KCNT1: variants seen among roughly 807,000 people sequenced by gnomAD.
The protein encoded by KCNT1 is potassium channel subfamily T member 1.
A neutral mutation model predicts 147.8 loss-of-function variants in KCNT1; 78 were observed. The observed-to-expected ratio is 0.53, with a 90% CI of 0.44 to 0.64. The LOEUF is 0.64. Ranked by LOEUF, KCNT1 falls within the 30% of genes least tolerant of loss-of-function variation. KCNT1 has a pLI of 0.00. For missense variants in KCNT1, 1,419 were observed against 1,750.3 expected, an observed-to-expected ratio of 0.81 and a Z score of 3.38; for synonymous variants, 867 against 748.8, an observed-to-expected ratio of 1.16 and a Z score of -2.58.
At chr9:135,781,600 C>T (rs1433849564) in intron 24 of KCNT1, among the ~76,000 whole-genome samples, 1 of 149,774 alleles carries the variant, frequency 6.7e-6, no homozygotes, top group Non-Finnish European at 1.5e-5. Flanking sequence ...TAAAAATGTA[C>T]ATGTTTAGTA....
chr9:135,744,960 G>T (rs1368868152), intron 2 of KCNT1, among the ~76,000 whole-genome samples: 1 of 152,218 alleles, frequency 6.6e-6, no homozygotes, highest in African/African-American at 2.4e-5. Flanking sequence ...ACTGGCAGAG[G>T]TGAGACGGGC....
chr9:135,716,625 G>A (rs1266790263), intron 2 of KCNT1, among the ~76,000 whole-genome samples: 1 of 152,192 alleles, frequency 6.6e-6, no homozygotes, highest in Non-Finnish European at 1.5e-5. Context: ...GCCCCTGGCA[G>A]CTACCGATTT....
chr9:135,707,235 T>C (rs1356502514), intron 1 of KCNT1, among the ~76,000 whole-genome samples: 1 of 151,988 alleles, frequency 6.6e-6, no homozygotes, highest in Non-Finnish European at 1.5e-5. Context: ...CACAGTTCTC[T>C]GGGGGAATGA....
chr9:135,785,271 G>A (rs776864063), intron 27 of KCNT1, 39 bp from the exon 28 acceptor site: 33 of 1,611,112 alleles, frequency 2.0e-5, no homozygotes, highest in Non-Finnish European at 2.4e-5. Context: ...GGGCAGGGGT[G>A]CGCCCACAGG....
In KCNT1 at chr9:135,735,272, G is replaced by A. The variant is rs531421988; in HGVS notation, c.255-14826G>A. ...CGGGGAGGGCGCTAGGGCAGGTATCGGGAGCGCCAGTGAGTTGGTCATTTT... is the reference window on the plus strand; with the variant it reads ...CGGGGAGGGCGCTAGGGCAGGTATCAGGAGCGCCAGTGAGTTGGTCATTTT... On this transcript the variant is annotated intron_variant, in intron 2 of 30. Transcript: ENST00000371757. Among the ~76,000 whole-genome samples the A allele has an allele frequency of 3.9e-5, 6 of 152,338 alleles. No individual in the cohort carries two copies. In the South Asian group the frequency reaches 1.0e-3, roughly 26 times the overall value.
At position 135,750,282 on chromosome 9, in the gene KCNT1, C is replaced by A; in HGVS notation, c.334+105C>A. On this transcript the variant is annotated intron_variant, in intron 3 of 30. Coordinates refer to ENST00000371757, the MANE Select transcript of KCNT1 (RefSeq NM_020822.3). ...CTGGGGCTGTGAGCTCAGGGAGAGT[C>A]CATGGGGTGGGAGCCACCTGAGTGC... 6 of 934,826 alleles carry A rather than the reference C, an allele frequency of 6.4e-6. No homozygotes were observed. The Admixed American group carries it at 1.2e-4, about 18-fold the overall frequency. 57.9% of individuals were successfully genotyped at this position (934,826 alleles called of 1,614,324 possible).
chr9:135,707,399 A>G (rs371872070), intron 1 of KCNT1, among the ~76,000 whole-genome samples: 1 of 152,062 alleles, frequency 6.6e-6, no homozygotes, highest in East Asian at 1.9e-4. Context: ...GCTCCTTGCT[A>G]TGATCACCAT....
intron 1 of KCNT1, among the ~76,000 whole-genome samples, chr9:135,704,309 G>A (rs537511609): frequency 2.0e-5 from 3 of 152,294 alleles, no homozygotes; most frequent in African/African-American, 7.2e-5. Context: ...GGGCCAGGAG[G>A]TGCTTGGACA....
At chr9:135,751,715 G>A (rs894811672) in intron 4 of KCNT1, among the ~76,000 whole-genome samples, 3 of 152,212 alleles carry the variant, frequency 2.0e-5, no homozygotes, top group African/African-American at 7.2e-5. Context: ...CCTCTGTGTG[G>A]GTCCCAGGGG....
At chr9:135,745,485 G>A (rs1000979819) in intron 2 of KCNT1, among the ~76,000 whole-genome samples, 1 of 152,242 alleles carries the variant, frequency 6.6e-6, no homozygotes, top group Non-Finnish European at 1.5e-5. Context: ...TGAGTCGAAG[G>A]CCTGCGCTGT....
intron 29 of KCNT1, chr9:135,790,348 T>G (rs756956707): frequency 1.3e-5 from 2 of 151,948 alleles, no homozygotes; most frequent in African/African-American, 2.4e-5. Context: ...CCCCTGGGCC[T>G]CCTCCAAAGG....
rs1831227910 is a variant in KCNT1, at chr9:135,752,414, G to A, written c.434+1373G>A. 1 of 456,420 alleles carries A rather than the reference G, an allele frequency of 2.2e-6. No individual in the cohort carries two copies. The highest frequency in any genetic ancestry group is 4.4e-6 in the Non-Finnish European group (1 of 226,940). 28.3% of individuals were successfully genotyped at this position (456,420 alleles called of 1,614,324 possible). A position where few individuals can be genotyped will look rare whatever the true frequency, so the allele number is the denominator to read the frequency against. The stretch of plus-strand genomic sequence containing the variant: ...GGCAGAACCCACTAGGAGAGTTTGA[G>A]AAGGAGAACTGGGCCCTGACTGACT... On this transcript the variant is annotated intron_variant, in intron 4 of 30. Coordinates refer to ENST00000371757, the MANE Select transcript of KCNT1 (RefSeq NM_020822.3). This position sits in a 1 kb window ranked among gnomAD's most constrained non-coding sequence, Gnocchi z 5.1.
chr9:135,759,161 C>A (rs367797250), intron 10 of KCNT1, among the ~76,000 whole-genome samples: 1 of 152,196 alleles, frequency 6.6e-6, no homozygotes, highest in Non-Finnish European at 1.5e-5. Flanking sequence ...TGGGACCTGG[C>A]GGCGACCCCA....
At chr9:135,736,933 C>G (rs1830366585) in intron 2 of KCNT1, 1 of 298,146 alleles carries the variant, frequency 3.4e-6, no homozygotes, top group Non-Finnish European at 6.2e-6. Flanking sequence ...CCACAGCGCC[C>G]TGCTTCCTGC....
chr9:135,784,516 TCCC>T lies in KCNT1; in HGVS notation c.2944-18_2944-16del, dbSNP rs1833875802. ...CTCCCTCCCTCCCTCCCTCCCTCCCTCCCTCCCTCCCTGGCCAGTCCTTCGTGA... is the reference window on the plus strand; with the variant it reads ...CTCCCTCCCTCCCTCCCTCCCTCCCTTCCCTCCCTGGCCAGTCCTTCGTGA... On this transcript the variant is annotated splice_polypyrimidine_tract_variant and intron_variant, in intron 25 of 30. Transcript: ENST00000371757. 2.4e-5 allele frequency: 4 copies of T among 166,544 alleles called. No individual in the cohort carries two copies. Among genetic ancestry groups the T allele is most frequent in the South Asian group, 1.3e-4 (3 of 22,808 alleles). 10.3% of individuals were successfully genotyped at this position (166,544 alleles called of 1,614,324 possible).
At position 135,759,821 on chromosome 9, in the gene KCNT1, A is replaced by G. The variant is rs1831787938; in HGVS notation, c.997A>G (p.Ile333Val). 2.5e-6 allele frequency: 4 copies of G among 1,612,628 alleles called. No individual in the cohort carries two copies. Among genetic ancestry groups the G allele is most frequent in the East Asian group, 4.5e-5 (2 of 44,884 alleles). Reference sequence around the variant, plus strand: ...CTGGCCATCGCAGCTGCTGGTGGTCATCATGATCTGCGTGGCCCTCGTGGT... The same window carrying G: ...CTGGCCATCGCAGCTGCTGGTGGTCGTCATGATCTGCGTGGCCCTCGTGGT... ...KIWPSQLLVV[I>V]MICVALVVLP... is the part of the protein sequence containing the mutation. The change falls in exon 11 of 31, where the codon ATC becomes GTC. Residue 333 changes from isoleucine (I) to valine (V), a missense_variant. Physicochemically the swap from Ile to Val is conservative, Grantham distance 29. This residue lies in a region of KCNT1 where 401 missense variants were observed against 610.6 expected (regional missense o/e 0.66). Coordinates refer to ENST00000371757, the MANE Select transcript of KCNT1 (RefSeq NM_020822.3).
chr9:135,718,764 C>G (rs556282110), intron 2 of KCNT1, among the ~76,000 whole-genome samples: 1 of 152,166 alleles, frequency 6.6e-6, no homozygotes, highest in East Asian at 1.9e-4. Context: ...AGCAGGTGGG[C>G]GGGCAGGACT....
intron 2 of KCNT1, among the ~76,000 whole-genome samples, chr9:135,741,097 C>G (rs1451625270): frequency 6.6e-6 from 1 of 152,192 alleles, no homozygotes; most frequent in Non-Finnish European, 1.5e-5. Flanking sequence ...GCTTGGTGGC[C>G]CCTTCCAAAA....
chr9:135,718,798 G>A (rs1420792658), intron 2 of KCNT1, among the ~76,000 whole-genome samples: 1 of 152,222 alleles, frequency 6.6e-6, no homozygotes, highest in East Asian at 1.9e-4. Context: ...TCCCCCGGGA[G>A]TAGAGCCTCT....
Sources: gnomAD v4.1 joint callset for allele counts (sites outside exome capture counted in the v4.1 genomes callset) on GRCh38, gnomAD v4.1.1 for gene constraint, gnomAD v4.1.1 regional missense constraint, Gnocchi (gnomAD v3.1) non-coding constraint, MANE v1.5 for transcripts, NCBI Gene and HGNC (gene_info 2026-07-23, HGNC 2026-07-21) for gene names.